ADAM32: variants seen among roughly 807,000 people sequenced by gnomAD.
The protein encoded by ADAM32 is ADAM metallopeptidase domain 32, also known as disintegrin and metalloproteinase domain-containing protein 32.
Under a neutral mutation model 114.9 loss-of-function variants are expected in ADAM32, and 89 were observed. That is an observed-to-expected ratio of 0.77 (90% CI 0.65 to 0.92). The LOEUF (loss-of-function observed/expected upper bound fraction) is 0.92. Among genes scored for constraint, ADAM32 ranks in the 40% least tolerant of loss-of-function variants. The pLI is 0.00. For missense variants in ADAM32, 870 were observed against 932.8 expected (o/e 0.93, Z 0.88); for synonymous variants, 285 against 307.5 (o/e 0.93, Z 0.77).
At chr8:39,251,942 G>A (rs1420107383) in intron 17 of ADAM32, among the ~76,000 whole-genome samples, 2 of 151,650 alleles carry the variant, frequency 1.3e-5, no homozygotes, top group South Asian at 4.1e-4. Context: ...TATGGTTATC[G>A]AATTTTTCCA....
chr8:39,263,359 A>G (rs1018634938), intron 19 of ADAM32, among the ~76,000 whole-genome samples: 1 of 152,060 alleles, frequency 6.6e-6, no homozygotes, highest in Non-Finnish European at 1.5e-5. Context: ...TTATTTTTCT[A>G]TAAGTTATGA....
chr8:39,243,729 A>T (rs1810713697), intron 16 of ADAM32, among the ~76,000 whole-genome samples: 1 of 152,196 alleles, frequency 6.6e-6, no homozygotes, highest in South Asian at 2.1e-4. Context: ...GAAGATAAGG[A>T]TGCCCATTTT....
chr8:39,120,039 C>T (rs1220102583), intron 2 of ADAM32, among the ~76,000 whole-genome samples: 1 of 152,224 alleles, frequency 6.6e-6, no homozygotes, highest in African/African-American at 2.4e-5. Flanking sequence ...CAGCTGTCTG[C>T]AAGCCAAGAG....
chr8:39,219,605 C>T (rs540889875), intron 12 of ADAM32, among the ~76,000 whole-genome samples: 14 of 152,274 alleles, frequency 9.2e-5, no homozygotes, highest in East Asian at 1.9e-4. Context: ...ACAGATTCTC[C>T]GCACCATGAA....
At chr8:39,229,911 TG>T in intron 14 of ADAM32, among the ~76,000 whole-genome samples, 1 of 152,162 alleles carries the variant, frequency 6.6e-6, no homozygotes, top group Non-Finnish European at 1.5e-5. Flanking sequence ...TAACAATGCA[TG>T]GAACTCACTC....
intron 3 of ADAM32, among the ~76,000 whole-genome samples, chr8:39,137,319 G>A (rs1802860914): frequency 6.6e-6 from 1 of 152,118 alleles, no homozygotes; most frequent in Admixed American, 6.5e-5. Context: ...ATTGGAGAGA[G>A]GTGGATTATG....
chr8:39,166,686 C>A (rs1245846474), intron 9 of ADAM32: 1 of 152,146 alleles, frequency 6.6e-6, no homozygotes, highest in Non-Finnish European at 1.5e-5. Context: ...ATCACTGCAT[C>A]CACACCAACA....
At chr8:39,202,155 G>A (rs959669242) in intron 11 of ADAM32, among the ~76,000 whole-genome samples, 7 of 152,188 alleles carry the variant, frequency 4.6e-5, no homozygotes, top group African/African-American at 1.7e-4. Context: ...ATGAGTTAGG[G>A]AGGATACCCT....
chr8:39,257,379 T>A (rs899766393), intron 19 of ADAM32, 36 bp downstream of exon 19: 1 of 1,607,980 alleles, frequency 6.2e-7, no homozygotes, highest in African/African-American at 1.3e-5. Flanking sequence ...TAAACATTAG[T>A]ACCATTTGAA....
intron 2 of ADAM32, among the ~76,000 whole-genome samples, chr8:39,121,442 G>T (rs1840585579): frequency 1.3e-5 from 2 of 152,084 alleles, no homozygotes; most frequent in Non-Finnish European, 2.9e-5. Context: ...ACACACTGGG[G>T]CCAGTCGGGG....
At position 39,136,723 on chromosome 8, in the gene ADAM32, A is replaced by G. The variant is rs1802828409; in HGVS notation, c.200+5A>G. On this transcript the variant is annotated splice_donor_5th_base_variant and intron_variant, in intron 3 of 24. Transcript: ENST00000379907. The stretch of plus-strand genomic sequence containing the variant: ...CACTGTGCACCTTAAACAAAGGTAA[A>G]TTTTTATTCTTTAGTTTTGGATTTT... 2 of 1,477,796 alleles carry G rather than the reference A, an allele frequency of 1.4e-6. No homozygotes were observed. Among genetic ancestry groups the G allele is most frequent in the Non-Finnish European group, 1.8e-6 (2 of 1,097,500 alleles). 91.5% of individuals were successfully genotyped at this position (1,477,796 alleles called of 1,614,324 possible).
In ADAM32 at chr8:39,165,022, G is replaced by C; in HGVS notation, c.667-8G>C. 1 of 1,584,994 alleles carries C rather than the reference G, an allele frequency of 6.3e-7. No individual in the cohort carries two copies. The highest frequency in any genetic ancestry group is 8.6e-7 in the Non-Finnish European group (1 of 1,166,336). On this transcript the variant is annotated splice_polypyrimidine_tract_variant and splice_region_variant and intron_variant, in intron 8 of 24. Coordinates refer to ENST00000379907, the MANE Select transcript of ADAM32 (RefSeq NM_145004.7). ...AATTATGCATGTATTTATCTCTTCT[G>C]TTTTTAGATGTTCACCCAATTTAAA... is the stretch of plus-strand genomic sequence containing the variant.
intron 16 of ADAM32, among the ~76,000 whole-genome samples, chr8:39,237,562 G>T (rs1219264243): frequency 1.4e-5 from 2 of 147,450 alleles, no homozygotes; most frequent in Non-Finnish European, 3.0e-5. Context: ...AGTGACACTG[G>T]CCTTACTGGC....
At position 39,274,347 on chromosome 8, in the gene ADAM32, G is replaced by A; in HGVS notation, c.2237G>A (p.Ser746Asn). Residue 746 changes from serine to asparagine, a missense_variant, in exon 21 of 25, where the codon AGC (serine) becomes AAC (asparagine). By Grantham distance (46) the Ser-to-Asn change is conservative. Transcript: ENST00000379907. ...SSEGSTQTYA[S>N]QTRSESSSQA... The stretch of plus-strand genomic sequence containing the variant: ...GAAGGCAGCACTCAGACATATGCCA[G>A]CCAGTAAGTAGGTTAGAAGAGGTTT... The A allele has an allele frequency of 6.2e-7, 1 of 1,613,102 alleles. No individual in the cohort carries two copies. The highest frequency in any genetic ancestry group is 8.5e-7 in the Non-Finnish European group (1 of 1,179,456).
chr8:39,138,776 T>A (rs992074780), intron 3 of ADAM32, among the ~76,000 whole-genome samples: 11 of 152,192 alleles, frequency 7.2e-5, no homozygotes, highest in African/African-American at 2.7e-4. Flanking sequence ...TTGAACTAAT[T>A]TACACACCCA....
chr8:39,200,453 CA>C (rs71218316), intron 11 of ADAM32, among the ~76,000 whole-genome samples: 108,049 of 151,906 alleles, frequency 0.71, 38,612 homozygotes, highest in Middle Eastern at 0.78. Context: ...CTCCTTCGCC[CA>C]CTTTTTGATG....
rs1392188289 is a variant in ADAM32, at chr8:39,186,897, T to C, written c.916-12T>C. On this transcript the variant is annotated splice_polypyrimidine_tract_variant and intron_variant, in intron 10 of 24. Coordinates refer to ENST00000379907, the MANE Select transcript of ADAM32 (RefSeq NM_145004.7). ...TTATCTTTCCTTAGAATTTTCTTTG[T>C]TGTTATTATAGTACCCCAAGGAGAT... 1 of 1,564,670 alleles carries C rather than the reference T, an allele frequency of 6.4e-7. No individual in the cohort carries two copies. Among genetic ancestry groups the C allele is most frequent in the Non-Finnish European group, 8.6e-7 (1 of 1,159,356 alleles).
intron 16 of ADAM32, among the ~76,000 whole-genome samples, chr8:39,238,254 T>G (rs763040948): frequency 6.6e-6 from 1 of 152,224 alleles, no homozygotes; most frequent in Non-Finnish European, 1.5e-5. Context: ...CATCACAGGA[T>G]TCTTTGCAAA....
chr8:39,270,039 C>T (rs1033917136), intron 19 of ADAM32, among the ~76,000 whole-genome samples: 25 of 148,770 alleles, frequency 1.7e-4, no homozygotes, highest in African/African-American at 6.1e-4. Context: ...TTCACTATCA[C>T]GAGAAAGGCA....
Sources: allele counts gnomAD v4.1 joint callset (sites outside exome capture counted in the v4.1 genomes callset), GRCh38; gene constraint gnomAD v4.1.1; transcripts MANE v1.5; gene names NCBI Gene and HGNC (gene_info 2026-07-23, HGNC 2026-07-21).